LCLAT1: variants seen among roughly 807,000 people sequenced by gnomAD.
LCLAT1 encodes 1-AGP acyltransferase 8.
LCLAT1 carries 11 observed loss-of-function variants against 30.7 expected under a neutral mutation model. The ratio of observed to expected loss-of-function variants is 0.36; its 90% CI spans 0.23 to 0.59. LCLAT1 has a LOEUF of 0.59. Ranked by LOEUF, LCLAT1 falls within the 20% of genes least tolerant of loss-of-function variation. LCLAT1 has a pLI of 0.77. For synonymous variants in LCLAT1, 155 were observed against 151.3 expected, an observed-to-expected ratio of 1.02 and a Z score of -0.18; for missense variants, 402 against 458.6, an observed-to-expected ratio of 0.88 and a Z score of 1.13.
intron 5 of LCLAT1, among the ~76,000 whole-genome samples, chr2:30,580,998 G>A (rs1277797511): frequency 6.6e-6 from 1 of 152,118 alleles, no homozygotes; most frequent in African/African-American, 2.4e-5. Flanking sequence ...TTGCTGGAAG[G>A]CCCTGTGCTC....
intron 1 of LCLAT1, among the ~76,000 whole-genome samples, chr2:30,452,194 A>T (rs1215313488): frequency 1.3e-5 from 2 of 151,848 alleles, no homozygotes; most frequent in African/African-American, 4.9e-5. Flanking sequence ...ATGTAAAAAT[A>T]TGAGGATTGT....
intron 1 of LCLAT1, among the ~76,000 whole-genome samples, chr2:30,501,098 ATGTGTGTGTGTG>A (rs70962280): frequency 2.5e-5 from 3 of 121,888 alleles, no homozygotes; most frequent in African/African-American, 1.1e-4. Context: ...GTGTGTGTGT[ATGTGTGTGTGTG>A]TGTGTGTGTG....
intron 1 of LCLAT1, among the ~76,000 whole-genome samples, chr2:30,456,319 G>A (rs1433614907): frequency 6.6e-6 from 1 of 152,196 alleles, no homozygotes; most frequent in Non-Finnish European, 1.5e-5. Context: ...ACGCCAGTGG[G>A]GATGAGAAGG....
intron 5 of LCLAT1, among the ~76,000 whole-genome samples, chr2:30,628,907 A>G (rs1265651619): frequency 1.3e-5 from 2 of 152,334 alleles, no homozygotes; most frequent in South Asian, 2.1e-4. Context: ...AGACACACAC[A>G]TGGGTTGGAA....
At chr2:30,448,782 G>A (rs1463567161) in intron 1 of LCLAT1, among the ~76,000 whole-genome samples, 1 of 152,140 alleles carries the variant, frequency 6.6e-6, no homozygotes, top group Non-Finnish European at 1.5e-5. Context: ...GTTATGGGTG[G>A]ATTCTAGTCC....
At chr2:30,475,335 G>C (rs542545372) in intron 1 of LCLAT1, among the ~76,000 whole-genome samples, 1 of 152,250 alleles carries the variant, frequency 6.6e-6, no homozygotes, top group South Asian at 2.1e-4. Flanking sequence ...TTTTGGCACT[G>C]GGTCTTTTTT....
intron 1 of LCLAT1, among the ~76,000 whole-genome samples, chr2:30,450,934 C>T (rs979616875): frequency 1.1e-4 from 17 of 151,940 alleles, no homozygotes; most frequent in African/African-American, 1.9e-4. Context: ...AAATATGGAC[C>T]GGAAGAAGAA....
At chr2:30,467,459 G>A (rs1396838674) in intron 1 of LCLAT1, among the ~76,000 whole-genome samples, 2 of 152,200 alleles carry the variant, frequency 1.3e-5, no homozygotes, top group Non-Finnish European at 1.5e-5. Context: ...ACCCAGTAAT[G>A]GGATGGCTGG....
intron 5 of LCLAT1, chr2:30,605,996 C>T (rs1262622181): frequency 8.5e-6 from 11 of 1,289,688 alleles, no homozygotes; most frequent in Non-Finnish European, 1.1e-5. Context: ...ATGCTCCCCA[C>T]TCCCCACTCT....
intron 1 of LCLAT1, among the ~76,000 whole-genome samples, chr2:30,449,182 C>A (rs1681418331): frequency 6.6e-6 from 1 of 152,198 alleles, no homozygotes. Context: ...CTTACTACCA[C>A]CATGCCTACT....
chr2:30,458,950 T>A (rs1346818636), intron 1 of LCLAT1, among the ~76,000 whole-genome samples: 2 of 152,242 alleles, frequency 1.3e-5, no homozygotes, highest in Non-Finnish European at 2.9e-5. Flanking sequence ...TAACATTCAT[T>A]CTGATATAAG....
At chr2:30,530,922 G>A (rs1006074917) in intron 2 of LCLAT1, among the ~76,000 whole-genome samples, 9 of 152,160 alleles carry the variant, frequency 5.9e-5, no homozygotes, top group Non-Finnish European at 1.2e-4. Context: ...ATATATTAGA[G>A]ATTGCATATA....
At chr2:30,626,001 A>G (rs1668490782) in intron 5 of LCLAT1, among the ~76,000 whole-genome samples, 1 of 152,234 alleles carries the variant, frequency 6.6e-6, no homozygotes, top group Admixed American at 6.5e-5. Flanking sequence ...CATGTACCCC[A>G]GATGACTACA....
chr2:30,602,417 C>CCAGCCTTTGGTAAAAT, intron 5 of LCLAT1, among the ~76,000 whole-genome samples: 1 of 152,244 alleles, frequency 6.6e-6, no homozygotes, highest in South Asian at 2.1e-4. Flanking sequence ...TTTCAGGAAG[C>CCAGCCTTTGGTAAAAT]CAGCCTTTGG....
intron 5 of LCLAT1, among the ~76,000 whole-genome samples, chr2:30,579,854 T>C (rs1236816196): frequency 6.6e-6 from 1 of 152,146 alleles, no homozygotes; most frequent in Non-Finnish European, 1.5e-5. Flanking sequence ...TTCTTAGTAT[T>C]CTAAGACAGT....
intron 3 of LCLAT1, among the ~76,000 whole-genome samples, chr2:30,555,115 T>G (rs1002420455): frequency 7.9e-5 from 12 of 152,060 alleles, no homozygotes; most frequent in African/African-American, 2.7e-4. Context: ...AGGAAAGAAA[T>G]AAATTATCCG....
At chr2:30,525,231 C>A (rs188215904) in intron 1 of LCLAT1, among the ~76,000 whole-genome samples, 1 of 152,048 alleles carries the variant, frequency 6.6e-6, no homozygotes, top group Non-Finnish European at 1.5e-5. Flanking sequence ...GGCACACTAC[C>A]GCAGCTGGCT....
At chr2:30,538,582 C>G (rs968002643) in intron 3 of LCLAT1, among the ~76,000 whole-genome samples, 1 of 151,872 alleles carries the variant, frequency 6.6e-6, no homozygotes, top group African/African-American at 2.4e-5. Context: ...TTGCAGTGAG[C>G]TGAGATTGCA....
chr2:30,528,381 C>T (rs1363996793), intron 2 of LCLAT1, among the ~76,000 whole-genome samples: 1 of 152,144 alleles, frequency 6.6e-6, no homozygotes, highest in Non-Finnish European at 1.5e-5. Context: ...TATACACCTA[C>T]AGTATTTGTA....
Sources: gnomAD v4.1 joint callset for allele counts (sites outside exome capture counted in the v4.1 genomes callset) on GRCh38, gnomAD v4.1.1 for gene constraint, MANE v1.5 for transcripts, NCBI Gene and HGNC (gene_info 2026-07-23, HGNC 2026-07-21) for gene names.